Variants in AGBL1 observed in about 807,000 individuals in gnomAD.
AGBL1 encodes the protein AGBL carboxypeptidase 1, also known as cytosolic carboxypeptidase 4.
A neutral mutation model predicts 118.9 loss-of-function variants in AGBL1; 130 were observed. That is an observed-to-expected ratio of 1.09 (90% CI 0.95 to 1.26). The LOEUF is 1.26. Ranked by LOEUF, AGBL1 falls within the 50% of genes most tolerant of loss-of-function variation. The pLI is 0.00. For synonymous variants in AGBL1, 555 were observed against 478.9 expected, an observed-to-expected ratio of 1.16 and a Z score of -2.08; for missense variants, 1,584 against 1,298.1, an observed-to-expected ratio of 1.22 and a Z score of -3.38.
chr15:86,760,207 A>C (rs754143928), intron 22 of AGBL1, among the ~76,000 whole-genome samples: 27 of 151,794 alleles, frequency 1.8e-4, no homozygotes, highest in Admixed American at 6.6e-5. Context: ...GGGCTGGGAG[A>C]AAATGAGAAG....
rs150776429 is a variant in AGBL1, at chr15:86,335,860, T to C, written c.2374+40452T>C. On this transcript the variant is annotated intron_variant, in intron 17 of 22. Coordinates refer to ENST00000614907, the MANE Select transcript of AGBL1 (RefSeq NM_001386094.1). ...GACACTCTACTCCTGGTTTGTCACT[T>C]ACTACCTGTGAGAATTTGGCTAGGT... Among the ~76,000 whole-genome samples, 417 of 152,322 alleles carry C rather than the reference T, an allele frequency of 2.7e-3. 1 individual carries two copies. The highest frequency in any genetic ancestry group is 4.7e-3 in the Non-Finnish European group (320 of 68,012).
At chr15:86,727,071 G>C (rs1237674455) in intron 22 of AGBL1, among the ~76,000 whole-genome samples, 1 of 152,192 alleles carries the variant, frequency 6.6e-6, no homozygotes, top group Non-Finnish European at 1.5e-5. Context: ...TTGTATCAAG[G>C]AAATGGAAAA....
intron 17 of AGBL1, among the ~76,000 whole-genome samples, chr15:86,340,551 G>A (rs1481516492): frequency 6.6e-6 from 1 of 152,158 alleles, no homozygotes; most frequent in Non-Finnish European, 1.5e-5. Context: ...CCAGAAGCTG[G>A]AAGAGGTGAG....
intron 18 of AGBL1, among the ~76,000 whole-genome samples, chr15:86,479,227 C>A (rs1454787766): frequency 6.6e-6 from 1 of 152,090 alleles, no homozygotes; most frequent in Non-Finnish European, 1.5e-5. Flanking sequence ...CCAAAATTGA[C>A]AAATGAGATC....
chr15:86,627,409 G>A (rs2084904626), intron 21 of AGBL1, among the ~76,000 whole-genome samples: 1 of 152,154 alleles, frequency 6.6e-6, no homozygotes. Flanking sequence ...AAATAATCTG[G>A]TGGCAGAGGT....
chr15:86,108,701 A>C, intron 1 of AGBL1, among the ~76,000 whole-genome samples: 1 of 152,172 alleles, frequency 6.6e-6, no homozygotes, highest in Non-Finnish European at 1.5e-5. Flanking sequence ...GCTCATGCCT[A>C]TAATCCCAGC....
intron 21 of AGBL1, among the ~76,000 whole-genome samples, chr15:86,640,500 A>T (rs911073119): frequency 8.5e-5 from 13 of 152,162 alleles, no homozygotes; most frequent in Non-Finnish European, 1.6e-4. Flanking sequence ...GGGTATAAAG[A>T]TTTATGTGTT....
intron 22 of AGBL1, among the ~76,000 whole-genome samples, chr15:86,861,186 C>G (rs2079555031): frequency 6.6e-6 from 1 of 152,152 alleles, no homozygotes. Flanking sequence ...TATCTATTTT[C>G]TCTTCAGTTT....
rs1204898095 is a variant in AGBL1, at chr15:86,724,235, CAAAAAAA to C, written c.3158+49812_3158+49818del. Among the ~76,000 whole-genome samples, 4 of 73,840 alleles carry C rather than the reference CAAAAAAA, an allele frequency of 5.4e-5. No individual in the cohort carries two copies. The Admixed American group carries it at 5.7e-4, about 10-fold the overall frequency. 48.4% of individuals were successfully genotyped at this position (73,840 alleles called of 152,430 possible). A position where few individuals can be genotyped will look rare whatever the true frequency, so the allele number is the denominator to read the frequency against. On this transcript the variant is annotated intron_variant, in intron 22 of 22. Transcript: ENST00000614907. ...TGGATGACAGAGTGAGACTCCATCT[CAAAAAAA>C]AAAAAAAAAAAAGAAGGTGTTGAGT...
intron 24 of AGBL1, among the ~76,000 whole-genome samples, chr15:86,990,489 G>C (rs1463944512): frequency 6.6e-6 from 1 of 151,988 alleles, no homozygotes; most frequent in South Asian, 2.1e-4. Context: ...ACTCCAGCCT[G>C]GGCAACAGAG....
chr15:86,366,212 G>T (rs938511259), intron 17 of AGBL1, among the ~76,000 whole-genome samples: 2 of 152,102 alleles, frequency 1.3e-5, no homozygotes, highest in Non-Finnish European at 2.9e-5. Context: ...CTTAAATTAA[G>T]GAAGACTTGA....
chr15:86,785,789 G>A (rs760217089), intron 22 of AGBL1, among the ~76,000 whole-genome samples: 4 of 152,098 alleles, frequency 2.6e-5, no homozygotes, highest in Non-Finnish European at 4.4e-5. Context: ...TCAGGTAATC[G>A]AACCCCAAGA....
intron 21 of AGBL1, among the ~76,000 whole-genome samples, chr15:86,621,466 C>G (rs1007367965): frequency 6.6e-6 from 1 of 152,224 alleles, no homozygotes; most frequent in Non-Finnish European, 1.5e-5. Context: ...TGCCAGCAAT[C>G]TGTGGCATTC....
rs185365989 is a variant in AGBL1, at chr15:86,348,767, G to A, written c.2375-48599G>A. ...CACTTCAGCCTGGGTGACAGAGCGCGACTGTCTCAAAAGAAAAAAAAAAAA... is the reference window on the plus strand; with the variant it reads ...CACTTCAGCCTGGGTGACAGAGCGCAACTGTCTCAAAAGAAAAAAAAAAAA... On this transcript the variant is annotated intron_variant, in intron 17 of 22. Transcript: ENST00000614907. Among the ~76,000 whole-genome samples, 392 of 134,056 alleles carry A rather than the reference G, an allele frequency of 2.9e-3. 1 individual carries two copies. The highest frequency in any genetic ancestry group is 4.4e-3 in the Admixed American group (57 of 13,080). The allele number at this position is 134,056 out of a possible 152,430, so 87.9% of individuals were successfully genotyped here. A position where few individuals can be genotyped will look rare whatever the true frequency, so the allele number is the denominator to read the frequency against.
At chr15:86,814,470 C>T (rs188547151) in intron 22 of AGBL1, among the ~76,000 whole-genome samples, 4 of 152,172 alleles carry the variant, frequency 2.6e-5, no homozygotes, top group African/African-American at 7.2e-5. Context: ...CAATGAACCT[C>T]GACTATTAAT....
At chr15:86,973,234 T>G (rs2081129653) in intron 23 of AGBL1, among the ~76,000 whole-genome samples, 1 of 152,016 alleles carries the variant, frequency 6.6e-6, no homozygotes, top group Non-Finnish European at 1.5e-5. Context: ...CCACTGACAT[T>G]AAATAGCCAC....
In AGBL1 at chr15:86,681,770, A is replaced by C. The variant is rs112543386; in HGVS notation, c.3158+7334A>C. Among the ~76,000 whole-genome samples, 66 of 152,256 alleles carry C rather than the reference A, an allele frequency of 4.3e-4. 2 individuals carry two copies. Among genetic ancestry groups the C allele is most frequent in the African/African-American group, 1.5e-3 (64 of 41,548 alleles). ...GTGATTTAGGTGGTGCTTTCTCTTC[A>C]AGAATTCATGGTATTTTGGCTTTTA... On this transcript the variant is annotated intron_variant, in intron 22 of 22. Transcript: ENST00000614907.
intron 22 of AGBL1, among the ~76,000 whole-genome samples, chr15:86,876,897 G>C (rs988957278): frequency 2.0e-5 from 3 of 152,140 alleles, no homozygotes; most frequent in African/African-American, 7.2e-5. Flanking sequence ...TGAAAGGTTT[G>C]AATGAATGGA....
At chr15:86,865,083 T>TG (rs1306436289) in intron 22 of AGBL1, among the ~76,000 whole-genome samples, 1 of 152,186 alleles carries the variant, frequency 6.6e-6, no homozygotes, top group Non-Finnish European at 1.5e-5. Context: ...CTAAGAGTGC[T>TG]GATCCATCGT....
Sources: allele counts gnomAD v4.1 joint callset (sites outside exome capture counted in the v4.1 genomes callset), GRCh38; gene constraint gnomAD v4.1.1; transcripts MANE v1.5; gene names NCBI Gene and HGNC (gene_info 2026-07-23, HGNC 2026-07-21).